GIPC2: variants seen among roughly 807,000 people sequenced by gnomAD.
The protein encoded by GIPC2 is PDZ domain-containing protein GIPC2.
Under a neutral mutation model 30.6 loss-of-function variants are expected in GIPC2, and 30 were observed. The observed-to-expected ratio is 0.98, with a 90% CI of 0.73 to 1.33. The LOEUF is 1.33. GIPC2 is among the 40% of genes most tolerant of loss of function. The probability of loss-of-function intolerance (pLI) is 0.00; values close to 1 mark genes in which losing one functional copy is unlikely to be tolerated. For missense variants in GIPC2, 414 were observed against 390.3 expected, an observed-to-expected ratio of 1.06 and a Z score of -0.51; for synonymous variants, 167 against 150.0, an observed-to-expected ratio of 1.11 and a Z score of -0.83.
chr1:78,130,839 G>C (rs1213333856), intron 5 of GIPC2, among the ~76,000 whole-genome samples: 2 of 152,154 alleles, frequency 1.3e-5, no homozygotes, highest in African/African-American at 2.4e-5. Flanking sequence ...TAAAAGTTCT[G>C]TTTAAGTGTT....
chr1:78,112,466 C>T (rs747082308), intron 3 of GIPC2: 1 of 519,024 alleles, frequency 1.9e-6, no homozygotes, highest in East Asian at 5.4e-5. Flanking sequence ...ACAGCAGTGT[C>T]CATCTGTGCC....
chr1:78,047,371 C>T (rs565417939), intron 1 of GIPC2, among the ~76,000 whole-genome samples: 40 of 152,146 alleles, frequency 2.6e-4, no homozygotes, highest in Admixed American at 5.9e-4. Flanking sequence ...AAATTGAGGT[C>T]AAGGCAAAAT....
At chr1:78,120,215 A>G (rs1662653546) in intron 4 of GIPC2, among the ~76,000 whole-genome samples, 1 of 151,844 alleles carries the variant, frequency 6.6e-6, no homozygotes, top group Admixed American at 6.6e-5. Context: ...ACATGACCGA[A>G]CTCCGTATTT....
intron 3 of GIPC2, chr1:78,112,637 G>C (rs1662492647): frequency 2.0e-6 from 1 of 493,774 alleles, no homozygotes; most frequent in East Asian, 5.6e-5. Flanking sequence ...GTCAGTTGAG[G>C]ATCTAAGCCG....
chr1:78,097,996 T>TTA (rs2100384179), intron 3 of GIPC2, among the ~76,000 whole-genome samples: 1 of 152,330 alleles, frequency 6.6e-6, no homozygotes, highest in African/African-American at 2.4e-5. Context: ...AGGGATAAAT[T>TTA]TCCTTATAGG....
intron 5 of GIPC2, among the ~76,000 whole-genome samples, chr1:78,126,693 G>T (rs181253663): frequency 1.3e-5 from 2 of 152,126 alleles, no homozygotes; most frequent in Admixed American, 6.6e-5. Flanking sequence ...TTCATTTCAG[G>T]CCCCTGTGGT....
intron 3 of GIPC2, among the ~76,000 whole-genome samples, chr1:78,115,199 G>T (rs1250504515): frequency 6.6e-6 from 1 of 152,034 alleles, no homozygotes; most frequent in African/African-American, 2.4e-5. Flanking sequence ...TGTATGTAGA[G>T]TTGTTCAGTT....
chr1:78,061,760 G>A (rs1661398100), intron 1 of GIPC2, among the ~76,000 whole-genome samples: 1 of 151,752 alleles, frequency 6.6e-6, no homozygotes, highest in African/African-American at 2.4e-5. Flanking sequence ...GGGATTATAG[G>A]CGCACACCAC....
At chr1:78,121,804 A>G (rs1662689318) in intron 4 of GIPC2, among the ~76,000 whole-genome samples, 3 of 152,238 alleles carry the variant, frequency 2.0e-5, no homozygotes, top group Admixed American at 6.5e-5. Context: ...GCTGAAGGCC[A>G]GTAAGTGTTT....
intron 2 of GIPC2, 21 bp from the exon 3 acceptor site, chr1:78,094,931 T>C (rs1220273492): frequency 6.7e-7 from 1 of 1,486,804 alleles, no homozygotes. Context: ...TTATATTATG[T>C]TATCATCAAT....
chr1:78,065,546 T>G (rs752375942), intron 1 of GIPC2, among the ~76,000 whole-genome samples: 1 of 148,504 alleles, frequency 6.7e-6, no homozygotes, highest in Non-Finnish European at 1.5e-5. Flanking sequence ...AAAAAAAAAC[T>G]GTTTTAAAAT....
intron 3 of GIPC2, among the ~76,000 whole-genome samples, chr1:78,118,602 C>T (rs944103666): frequency 1.3e-5 from 2 of 152,244 alleles, no homozygotes; most frequent in African/African-American, 2.4e-5. Flanking sequence ...CTCTTGCTCC[C>T]TGCTCTTGTC....
intron 1 of GIPC2, among the ~76,000 whole-genome samples, chr1:78,055,818 T>C (rs1661284910): frequency 6.6e-6 from 1 of 151,944 alleles, no homozygotes; most frequent in African/African-American, 2.4e-5. Context: ...GGATAAGGAG[T>C]CCTGCAGGAG....
chr1:78,127,780 C>T (rs1287440011), intron 5 of GIPC2, among the ~76,000 whole-genome samples: 1 of 152,170 alleles, frequency 6.6e-6, no homozygotes. Flanking sequence ...GCCTTGATGT[C>T]CTGGTCCCAA....
intron 1 of GIPC2, among the ~76,000 whole-genome samples, chr1:78,063,702 T>C (rs1442645617): frequency 6.6e-6 from 1 of 151,972 alleles, no homozygotes; most frequent in African/African-American, 2.4e-5. Flanking sequence ...CTGGCCAACA[T>C]GGTGAAACCC....
At chr1:78,123,378 T>C (rs913943141) in intron 4 of GIPC2, among the ~76,000 whole-genome samples, 1 of 151,784 alleles carries the variant, frequency 6.6e-6, no homozygotes, top group African/African-American at 2.4e-5. Context: ...TTTGGGGACC[T>C]GTAAGCTGTT....
intron 2 of GIPC2, among the ~76,000 whole-genome samples, chr1:78,087,396 G>A (rs898977546): frequency 1.1e-4 from 16 of 152,126 alleles, no homozygotes; most frequent in African/African-American, 3.6e-4. Context: ...TACAAAAACA[G>A]GCACATAGAC....
intron 1 of GIPC2, among the ~76,000 whole-genome samples, chr1:78,078,032 C>CA (rs1661748509): frequency 6.6e-6 from 1 of 150,768 alleles, no homozygotes; most frequent in Non-Finnish European, 1.5e-5. Context: ...ACTAAAAATA[C>CA]AAAAAATTAG....
At chr1:78,063,761 G>A (rs1661449385) in intron 1 of GIPC2, among the ~76,000 whole-genome samples, 1 of 151,022 alleles carries the variant, frequency 6.6e-6, no homozygotes, top group Non-Finnish European at 1.5e-5. Context: ...GTGCATGCCT[G>A]TATTTCCAGC....
Sources: gnomAD v4.1 joint callset for allele counts (sites outside exome capture counted in the v4.1 genomes callset) on GRCh38, gnomAD v4.1.1 for gene constraint, MANE v1.5 for transcripts, NCBI Gene and HGNC (gene_info 2026-07-23, HGNC 2026-07-21) for gene names.